ADD1: variants seen among roughly 807,000 people sequenced by gnomAD.
The protein encoded by ADD1 is alpha-adducin.
A neutral mutation model predicts 80.5 loss-of-function variants in ADD1; 24 were observed. The observed-to-expected ratio is 0.30, with a 90% CI of 0.22 to 0.42. The LOEUF (loss-of-function observed/expected upper bound fraction) is 0.42. Among genes scored for constraint, ADD1 ranks in the 10% least tolerant of loss-of-function variants. The probability of loss-of-function intolerance (pLI) is 1.00; values close to 1 mark genes in which losing one functional copy is unlikely to be tolerated. For missense variants in ADD1, 948 were observed against 1,019.0 expected, an observed-to-expected ratio of 0.93 and a Z score of 0.95; for synonymous variants, 373 against 393.8, an observed-to-expected ratio of 0.95 and a Z score of 0.63.
At chr4:2,892,253 C>T (rs529387791) in intron 4 of ADD1, among the ~76,000 whole-genome samples, 6 of 152,226 alleles carry the variant, frequency 3.9e-5, no homozygotes, top group South Asian at 4.2e-4. Context: ...TCCAACTGTC[C>T]GACCCTAGTT....
At chr4:2,859,619 A>T (rs1407298637) in intron 1 of ADD1, among the ~76,000 whole-genome samples, 4 of 152,224 alleles carry the variant, frequency 2.6e-5, no homozygotes, top group Non-Finnish European at 5.9e-5. Context: ...AGCAAAACCA[A>T]AGCAGACATT....
Position 2,928,789 on chromosome 4 carries a change from G to A in ADD1, c.*266G>A. ...CACAGGGGGGAGGCACTAAGTCATG[G>A]TCCTGGCTGGAAGGTACTGAAGGCT... On this transcript the variant is annotated 3_prime_UTR_variant, in exon 16 of 16. Coordinates refer to ENST00000683351, the MANE Select transcript of ADD1 (RefSeq NM_001354761.2). 1 of 464,526 alleles carries A rather than the reference G, an allele frequency of 2.2e-6. No homozygotes were observed. The highest frequency in any genetic ancestry group is 3.8e-6 in the Non-Finnish European group (1 of 264,190). 28.8% of individuals were successfully genotyped at this position (464,526 alleles called of 1,614,324 possible). A position where few individuals can be genotyped will look rare whatever the true frequency, so the allele number is the denominator to read the frequency against.
intron 1 of ADD1, among the ~76,000 whole-genome samples, chr4:2,867,364 A>G (rs917339957): frequency 6.6e-6 from 1 of 152,192 alleles, no homozygotes; most frequent in African/African-American, 2.4e-5. Context: ...TTATAGGAGT[A>G]TGAGTGGAAC....
chr4:2,852,285 T>TC (rs1727372774), intron 1 of ADD1, among the ~76,000 whole-genome samples: 1 of 132,656 alleles, frequency 7.5e-6, no homozygotes, highest in Admixed American at 7.4e-5. Context: ...TTCCTTCTTT[T>TC]CTTTTCTTTT....
intron 10 of ADD1, among the ~76,000 whole-genome samples, chr4:2,907,003 C>CA (rs1737170086): frequency 1.3e-5 from 2 of 150,820 alleles, no homozygotes; most frequent in South Asian, 2.1e-4. Flanking sequence ...ATTGGAGATC[C>CA]AAAAAAAAAT....
chr4:2,907,898 G>A, intron 11 of ADD1, 54 bp downstream of exon 11: 2 of 1,444,534 alleles, frequency 1.4e-6, no homozygotes, highest in Non-Finnish European at 1.9e-6. Flanking sequence ...TGGAAGGGAT[G>A]CCAGCTGCTT....
intron 3 of ADD1, among the ~76,000 whole-genome samples, chr4:2,882,884 G>T (rs978682801): frequency 2.0e-5 from 3 of 151,834 alleles, no homozygotes; most frequent in African/African-American, 7.3e-5. Context: ...TTTTTGAGAC[G>T]GCGTCTTGCT....
At position 2,904,845 on chromosome 4, in the gene ADD1, A is replaced by G; in HGVS notation, c.1243A>G (p.Ser415Gly). The change falls in exon 10 of 16, where the codon AGT (serine) becomes GGT (glycine). Residue 415 changes from serine (S) to glycine (G), a missense_variant. Coordinates refer to ENST00000683351, the MANE Select transcript of ADD1 (RefSeq NM_001354761.2). Reference sequence around the variant, plus strand: ...ATACAGCGATGTGGAGGTTCCTGCTAGTGTCACAGGTTACTCCTTTGCTAG... The same window carrying G: ...ATACAGCGATGTGGAGGTTCCTGCTGGTGTCACAGGTTACTCCTTTGCTAG... ...KKYSDVEVPA[S>G]VTGYSFASDG... The G allele has an allele frequency of 6.2e-7, 1 of 1,614,208 alleles. No individual in the cohort carries two copies. Among genetic ancestry groups the G allele is most frequent in the Non-Finnish European group, 8.5e-7 (1 of 1,180,036 alleles).
chr4:2,850,691 C>T (rs981979828), intron 1 of ADD1, among the ~76,000 whole-genome samples: 5 of 152,164 alleles, frequency 3.3e-5, no homozygotes, highest in African/African-American at 1.2e-4. Flanking sequence ...TCCCAAAGTG[C>T]TGGGATTACA....
At chr4:2,888,419 A>G (rs1192064315) in intron 4 of ADD1, among the ~76,000 whole-genome samples, 4 of 145,320 alleles carry the variant, frequency 2.8e-5, no homozygotes, top group African/African-American at 1.0e-4. Context: ...TATTATTATT[A>G]TTATTATTAT....
rs1712375598 is a variant in ADD1, at chr4:2,928,564, C to T, written c.*41C>T. ...ACTGTCCTGTCCGGAGCGACCCTGG[C>T]TCTGCCAGCGTCCCCGGCCACGTCT... On this transcript the variant is annotated 3_prime_UTR_variant, in exon 16 of 16. Transcript: ENST00000683351. 6.3e-7 allele frequency: 1 copy of T among 1,578,174 alleles called. No homozygotes were observed. Among genetic ancestry groups the T allele is most frequent in the Admixed American group, 2.0e-5 (1 of 50,296 alleles).
chr4:2,909,127 C>G (rs114095319), intron 12 of ADD1: 64 of 581,000 alleles, frequency 1.1e-4, no homozygotes, highest in African/African-American at 9.7e-4. Flanking sequence ...TGCTTTAACA[C>G]CTGACTCTGC....
intron 4 of ADD1, among the ~76,000 whole-genome samples, chr4:2,892,751 C>G (rs1374751510): frequency 6.6e-6 from 1 of 151,610 alleles, no homozygotes; most frequent in Non-Finnish European, 1.5e-5. Context: ...GTGTGGATCA[C>G]TTGAGTCAGG....
intron 1 of ADD1, among the ~76,000 whole-genome samples, chr4:2,857,209 G>T (rs1195438408): frequency 6.6e-6 from 1 of 152,152 alleles, no homozygotes; most frequent in African/African-American, 2.4e-5. Context: ...ACCACACCCG[G>T]CCAGGGCAAT....
In ADD1 at chr4:2,929,973, CAT is replaced by C. The variant is rs1491239414; in HGVS notation, c.*1455_*1456del. 13 of 152,712 alleles carry C rather than the reference CAT, an allele frequency of 8.5e-5. 1 individual carries two copies. In the South Asian group the frequency reaches 2.7e-3, roughly 32 times the overall value. The allele number at this position is 152,712 out of a possible 1,614,324, so 9.5% of individuals were successfully genotyped here. A position where few individuals can be genotyped will look rare whatever the true frequency, so the allele number is the denominator to read the frequency against. On this transcript the variant is annotated 3_prime_UTR_variant, in exon 16 of 16. Coordinates refer to ENST00000683351, the MANE Select transcript of ADD1 (RefSeq NM_001354761.2). ...TGTATTACAACATGAAATATAGTTG[CAT>C]ATATGGACACCGACTTGGGAGGACA...
At chr4:2,898,597 T>G (rs763123886) in intron 8 of ADD1, 66 bp downstream of exon 8, 10 of 1,409,180 alleles carry the variant, frequency 7.1e-6, no homozygotes, top group South Asian at 1.2e-5. Context: ...ACATAGATTT[T>G]TTTTTGATAC....
At chr4:2,905,290 C>A in intron 10 of ADD1, 182 bp downstream of exon 10, 1 of 608,186 alleles carries the variant, frequency 1.6e-6, no homozygotes, top group South Asian at 2.0e-5. Flanking sequence ...ATAATACTAT[C>A]TGCTTGAAAC....
At chr4:2,914,751 A>C (rs895843493) in intron 13 of ADD1, 133 bp from the exon 14 acceptor site, 1 of 1,015,078 alleles carries the variant, frequency 9.9e-7, no homozygotes, top group African/African-American at 1.6e-5. Context: ...CCTCGGGCCC[A>C]TGGCAGTGCA....
chr4:2,922,889 C>T (rs549659022), intron 14 of ADD1, among the ~76,000 whole-genome samples: 3 of 152,336 alleles, frequency 2.0e-5, no homozygotes, highest in East Asian at 1.9e-4. Context: ...TGCATAGCTG[C>T]GGTGGGCTCT....
Sources: gnomAD v4.1 joint callset for allele counts (sites outside exome capture counted in the v4.1 genomes callset) on GRCh38, gnomAD v4.1.1 for gene constraint, MANE v1.5 for transcripts, NCBI Gene and HGNC (gene_info 2026-07-23, HGNC 2026-07-21) for gene names.